Variants in INPP4B observed in about 807,000 individuals in gnomAD.
The protein encoded by INPP4B is inositol polyphosphate-4-phosphatase type II B.
A neutral mutation model predicts 122.5 loss-of-function variants in INPP4B; 55 were observed. The observed-to-expected ratio is 0.45, with a 90% confidence interval of 0.36 to 0.56. The LOEUF (loss-of-function observed/expected upper bound fraction) is 0.56. INPP4B is among the 20% of genes least tolerant of loss of function. The probability of loss-of-function intolerance (pLI) is 0.00; values close to 1 mark genes in which losing one functional copy is unlikely to be tolerated. For missense variants in INPP4B, 1,000 were observed against 1,097.7 expected (o/e 0.91, Z 1.26); for synonymous variants, 403 against 388.7 (o/e 1.04, Z -0.43).
At chr4:142,254,659 G>T (rs550272127) in intron 11 of INPP4B, among the ~76,000 whole-genome samples, 1 of 152,140 alleles carries the variant, frequency 6.6e-6, no homozygotes, top group South Asian at 2.1e-4. Context: ...AGAGAAAAAA[G>T]AATAAAAAGA....
At chr4:142,078,605 A>G (rs1027998011) in intron 25 of INPP4B, among the ~76,000 whole-genome samples, 4 of 152,026 alleles carry the variant, frequency 2.6e-5, no homozygotes, top group Admixed American at 6.6e-5. Context: ...ATTTCTGAAT[A>G]AGAGCCAAAT....
chr4:142,619,388 A>G (rs1336799534), intron 2 of INPP4B, among the ~76,000 whole-genome samples: 1 of 152,110 alleles, frequency 6.6e-6, no homozygotes, highest in African/African-American at 2.4e-5. Context: ...TATACATACA[A>G]TGGAATATGA....
At chr4:142,616,549 C>A (rs916023419) in intron 2 of INPP4B, among the ~76,000 whole-genome samples, 6 of 152,264 alleles carry the variant, frequency 3.9e-5, no homozygotes, top group African/African-American at 1.4e-4. Flanking sequence ...TGTACCCCAA[C>A]ACTTCTAAAT....
intron 2 of INPP4B, among the ~76,000 whole-genome samples, chr4:142,492,293 C>T (rs1159336247): frequency 6.6e-6 from 1 of 151,962 alleles, no homozygotes; most frequent in Non-Finnish European, 1.5e-5. Context: ...ATTGGTACCA[C>T]AGAGAGAGGG....
At chr4:142,272,565 T>G (rs888950188) in intron 9 of INPP4B, among the ~76,000 whole-genome samples, 2 of 152,056 alleles carry the variant, frequency 1.3e-5, no homozygotes, top group African/African-American at 4.8e-5. Flanking sequence ...AAAGAAGATG[T>G]GTAGGCAGGT....
intron 2 of INPP4B, among the ~76,000 whole-genome samples, chr4:142,495,890 G>T (rs1271303165): frequency 3.9e-5 from 6 of 152,088 alleles, no homozygotes; most frequent in Admixed American, 2.0e-4. Flanking sequence ...GCTTTGCTTA[G>T]GTGAATACCG....
chr4:142,813,166 A>T lies in INPP4B; in HGVS notation c.-254+33043T>A, dbSNP rs151178216. Among the ~76,000 whole-genome samples, 1,195 of 152,312 alleles carry T rather than the reference A, an allele frequency of 7.8e-3. 5 individuals are homozygous for T. The highest frequency in any genetic ancestry group is 0.012 in the Non-Finnish European group (812 of 68,016). ...AAAGAGACTCATACATGTACTGTTG[A>T]TATCCCAAGCCAATAATGAGTTAAA... On this transcript the variant is annotated intron_variant, in intron 1 of 25. Coordinates refer to ENST00000262992, the MANE Select transcript of INPP4B (RefSeq NM_001101669.3).
rs1426042949 is a variant in INPP4B, at chr4:142,024,382, C to T, written c.*4400G>A. On this transcript the variant is annotated 3_prime_UTR_variant, in exon 26 of 26. Coordinates refer to ENST00000262992, the MANE Select transcript of INPP4B (RefSeq NM_001101669.3). Reference sequence around the variant, plus strand: ...AAAATTGTCAATCAGCTACACATCTCTCACCAAATCATTCTTTTTGGTCGT... The same window carrying T: ...AAAATTGTCAATCAGCTACACATCTTTCACCAAATCATTCTTTTTGGTCGT... The T allele has an allele frequency of 6.6e-6, 1 of 152,136 alleles. No individual in the cohort carries two copies. Among genetic ancestry groups the T allele is most frequent in the Non-Finnish European group, 1.5e-5 (1 of 67,998 alleles). The allele number at this position is 152,136 out of a possible 1,614,324, so 9.4% of individuals were successfully genotyped here. A position where few individuals can be genotyped will look rare whatever the true frequency, so the allele number is the denominator to read the frequency against.
intron 18 of INPP4B, among the ~76,000 whole-genome samples, chr4:142,138,473 A>G (rs1039757188): frequency 5.9e-5 from 9 of 151,734 alleles, no homozygotes; most frequent in Non-Finnish European, 1.3e-4. Flanking sequence ...CCAGCATGGC[A>G]CATGTATACA....
chr4:142,833,097 A>T (rs1782366310), intron 1 of INPP4B, among the ~76,000 whole-genome samples: 1 of 151,520 alleles, frequency 6.6e-6, no homozygotes, highest in African/African-American at 2.4e-5. Flanking sequence ...TTTTTTAGGG[A>T]CAGGCAAATA....
At chr4:142,727,371 C>G (rs1366245988) in intron 1 of INPP4B, among the ~76,000 whole-genome samples, 1 of 152,100 alleles carries the variant, frequency 6.6e-6, no homozygotes, top group African/African-American at 2.4e-5. Flanking sequence ...CTGGTGAGCC[C>G]CTACTGCAAG....
At chr4:142,304,368 C>T (rs542050349) in intron 9 of INPP4B, among the ~76,000 whole-genome samples, 2 of 152,122 alleles carry the variant, frequency 1.3e-5, no homozygotes, top group South Asian at 4.2e-4. Context: ...AACACCGACA[C>T]CATATGTTTA....
intron 2 of INPP4B, among the ~76,000 whole-genome samples, chr4:142,489,469 C>A (rs572934565): frequency 6.6e-6 from 1 of 152,334 alleles, no homozygotes; most frequent in South Asian, 2.1e-4. Context: ...TCTCGGCTCA[C>A]TGCAGTCTCT....
intron 15 of INPP4B, among the ~76,000 whole-genome samples, chr4:142,189,260 A>G (rs1834655495): frequency 6.6e-6 from 1 of 152,110 alleles, no homozygotes; most frequent in Admixed American, 6.5e-5. Flanking sequence ...CCTGCTCTCT[A>G]TATTATTAAT....
At chr4:142,179,454 C>T (rs1300545743) in intron 15 of INPP4B, among the ~76,000 whole-genome samples, 1 of 49,244 alleles carries the variant, frequency 2.0e-5, no homozygotes, top group African/African-American at 7.5e-5. Context: ...GTGAGGGCAA[C>T]AGAACAAAAC....
At chr4:142,337,730 ATATATTTATATATAT>A (rs1437681309) in intron 7 of INPP4B, among the ~76,000 whole-genome samples, 1 of 46,236 alleles carries the variant, frequency 2.2e-5, no homozygotes, top group African/African-American at 6.9e-5. Context: ...TATATTTTAT[ATATATTTATATATAT>A]TATATATTTT....
intron 7 of INPP4B, among the ~76,000 whole-genome samples, chr4:142,386,662 T>C (rs1796065719): frequency 1.3e-5 from 2 of 152,338 alleles, no homozygotes; most frequent in South Asian, 4.1e-4. Flanking sequence ...ACCTCACTTC[T>C]GATATCTGTA....
At position 142,753,698 on chromosome 4, in the gene INPP4B, C is replaced by T. The variant is rs550748389; in HGVS notation, c.-253-27797G>A. On this transcript the variant is annotated intron_variant, in intron 1 of 25. Coordinates refer to ENST00000262992, the MANE Select transcript of INPP4B (RefSeq NM_001101669.3). ...GAAATCTCACCTATAGTAGAATATG[C>T]TTCTCAAAGAGAAAATAAAACATTT... Among the ~76,000 whole-genome samples, 150 of 152,102 alleles carry T rather than the reference C, an allele frequency of 9.9e-4. 5 individuals carry two copies. In the South Asian group the frequency reaches 0.031, roughly 31 times the overall value.
intron 2 of INPP4B, among the ~76,000 whole-genome samples, chr4:142,720,803 C>CTATATATATATATA (rs1274255676): frequency 3.2e-4 from 6 of 18,668 alleles, no homozygotes; most frequent in Non-Finnish European, 5.0e-4. Flanking sequence ...CTCTCTCTCT[C>CTATATATATATATA]TCTCTCTATA....
Sources: gnomAD v4.1 joint callset for allele counts (sites outside exome capture counted in the v4.1 genomes callset) on GRCh38, gnomAD v4.1.1 for gene constraint, MANE v1.5 for transcripts, NCBI Gene and HGNC (gene_info 2026-07-23, HGNC 2026-07-21) for gene names.